The following HERC1 variants were observed in gnomAD, a reference collection of about 807,000 sequenced individuals.
HERC1 encodes probable E3 ubiquitin-protein ligase HERC1.
Under a neutral mutation model 554.3 loss-of-function variants are expected in HERC1, and 160 were observed. The ratio of observed to expected loss-of-function variants is 0.29; its 90% CI spans 0.25 to 0.33. The LOEUF (loss-of-function observed/expected upper bound fraction) is 0.33. HERC1 is among the 10% of genes least tolerant of loss of function. HERC1 has a pLI of 1.00. For synonymous variants in HERC1, 2,175 were observed against 2,131.7 expected, an observed-to-expected ratio of 1.02 and a Z score of -0.56; for missense variants, 4,919 against 5,918.5, an observed-to-expected ratio of 0.83 and a Z score of 5.54.
At chr15:63,619,424 C>T (rs2067968941) in intron 74 of HERC1, among the ~76,000 whole-genome samples, 1 of 152,116 alleles carries the variant, frequency 6.6e-6, no homozygotes, top group Admixed American at 6.5e-5. Flanking sequence ...ATTTTTGCAT[C>T]AATGTTCATC....
intron 51 of HERC1, 107 bp downstream of exon 51, chr15:63,654,012 G>C: frequency 1.2e-6 from 1 of 813,110 alleles, no homozygotes; most frequent in Middle Eastern, 2.5e-4. Flanking sequence ...ACGTGTGAAA[G>C]AGAGTGACAC....
intron 7 of HERC1, among the ~76,000 whole-genome samples, chr15:63,753,578 C>T (rs1031026528): frequency 1.3e-5 from 2 of 151,672 alleles, no homozygotes; most frequent in African/African-American, 4.8e-5. Flanking sequence ...TCCAACCACA[C>T]CAGGAATAAA....
intron 74 of HERC1, among the ~76,000 whole-genome samples, chr15:63,620,584 G>A (rs2068032247): frequency 6.6e-6 from 1 of 152,124 alleles, no homozygotes; most frequent in African/African-American, 2.4e-5. Flanking sequence ...GTCTAATGTT[G>A]ACAGTGGGGT....
At chr15:63,643,994 T>G (rs562161358) in intron 57 of HERC1, among the ~76,000 whole-genome samples, 2 of 152,320 alleles carry the variant, frequency 1.3e-5, no homozygotes, top group Admixed American at 1.3e-4. Context: ...TGTCACACAT[T>G]TGTTCTGCAA....
intron 53 of HERC1, 131 bp downstream of exon 53, chr15:63,651,122 G>T: frequency 1.3e-6 from 1 of 781,044 alleles, no homozygotes; most frequent in Non-Finnish European, 2.0e-6. Context: ...TGCATAGATT[G>T]AAATTTCAGA....
chr15:63,671,460 A>G (rs2070919157), intron 39 of HERC1, among the ~76,000 whole-genome samples: 1 of 152,180 alleles, frequency 6.6e-6, no homozygotes. Context: ...ACCTCCTGAA[A>G]CTATTATTCC....
In HERC1 at chr15:63,660,963, A is replaced by G. The variant is rs1399466812; in HGVS notation, c.9223+10T>C. On this transcript the variant is annotated intron_variant, in intron 46 of 77. Transcript: ENST00000443617. ...ACATGTAAAATAAAGAAGCTCTCAA[A>G]ACAAACTACCTTCATACACACTGTC... The G allele has an allele frequency of 6.3e-7, 1 of 1,586,876 alleles. No individual in the cohort carries two copies. Among genetic ancestry groups the G allele is most frequent in the Non-Finnish European group, 8.7e-7 (1 of 1,155,770 alleles).
At chr15:63,726,857 C>G (rs990928654) in intron 17 of HERC1, among the ~76,000 whole-genome samples, 4 of 151,888 alleles carry the variant, frequency 2.6e-5, no homozygotes, top group African/African-American at 9.7e-5. Flanking sequence ...GTAGTAAAAA[C>G]TAGGAAAGGA....
intron 26 of HERC1, among the ~76,000 whole-genome samples, chr15:63,696,694 A>C (rs1401849931): frequency 6.6e-6 from 1 of 152,158 alleles, no homozygotes; most frequent in Admixed American, 6.5e-5. Flanking sequence ...TACCTTATCT[A>C]ATCTATTCAC....
chr15:63,698,971 G>C lies in HERC1; in HGVS notation c.4662C>G (p.Ser1554=), dbSNP rs948070965. The part of the protein sequence containing the change: ...KRGPMHSQLE[S]LSDSWARLKH... ...TCAGGCGAGCCCAAGAGTCACTCAG[G>C]GATTCCAATTGACTGTGCATAGGAC... is the stretch of plus-strand genomic sequence containing the variant. Residue 1554 remains serine (S), a synonymous_variant, in exon 26 of 78, where the codon TCC becomes TCG. Coordinates refer to ENST00000443617, the MANE Select transcript of HERC1 (RefSeq NM_003922.4). 2 of 1,612,866 alleles carry C rather than the reference G, an allele frequency of 1.2e-6. No individual in the cohort carries two copies. Among genetic ancestry groups the C allele is most frequent in the African/African-American group, 2.7e-5 (2 of 74,866 alleles).
At chr15:63,831,566 C>T (rs1567174209) in intron 1 of HERC1, among the ~76,000 whole-genome samples, 1 of 152,158 alleles carries the variant, frequency 6.6e-6, no homozygotes. Context: ...ACGATGTCAT[C>T]ATTATCATCA....
chr15:63,695,618 C>T (rs1027842289), intron 27 of HERC1, among the ~76,000 whole-genome samples: 2 of 151,164 alleles, frequency 1.3e-5, no homozygotes, highest in African/African-American at 4.9e-5. Flanking sequence ...GAACTCCTGA[C>T]CTCAGGTGAT....
At position 63,718,795 on chromosome 15, in the gene HERC1, C is replaced by T. The variant is rs779827483; in HGVS notation, c.3845G>A (p.Cys1282Tyr). 7.5e-5 allele frequency: 121 copies of T among 1,613,030 alleles called. 2 individuals are homozygous for T. The South Asian group carries it at 9.4e-4, about 13-fold the overall frequency. Reference protein sequence around the residue: ...LKHTNLLSQACGESRYQPGKH... With the variant: ...LKHTNLLSQAYGESRYQPGKH... ...TTAAGTTACTTGCCGGCTTTCTCCA[C>T]ATGCTTGACTAAGTAAATTTGTGTG... The change falls in exon 20 of 78, where the codon TGT becomes TAT. Residue 1282 changes from cysteine (C) to tyrosine (Y), a missense_variant. Physicochemically the swap from Cys to Tyr is radical, Grantham distance 194. Transcript: ENST00000443617. This position sits in a 1 kb window ranked among gnomAD's most constrained non-coding sequence, Gnocchi z 4.2.
chr15:63,784,399 T>G (rs1049250183), intron 1 of HERC1, among the ~76,000 whole-genome samples: 5 of 152,216 alleles, frequency 3.3e-5, no homozygotes, highest in Non-Finnish European at 7.3e-5. Context: ...AAAGTATTTG[T>G]GTATACTGTA....
intron 38 of HERC1, 89 bp from the exon 39 acceptor site, chr15:63,672,783 TTAAAA>T (rs1487828974): frequency 3.6e-5 from 30 of 838,758 alleles, no homozygotes; most frequent in Non-Finnish European, 1.8e-6. Flanking sequence ...CCTGTTTAAT[TTAAAA>T]GTTTCTAAAT....
chr15:63,689,838 G>A (rs1170328047), intron 32 of HERC1, 139 bp from the exon 33 acceptor site: 12 of 533,472 alleles, frequency 2.2e-5, no homozygotes, highest in South Asian at 1.7e-4. Flanking sequence ...ACTTTTAGTG[G>A]TTATAAGTTA....
Position 63,615,684 on chromosome 15 carries a change from A to G in HERC1, c.14094+84T>C, listed in dbSNP as rs1029438982. 3 of 992,506 alleles carry G rather than the reference A, an allele frequency of 3.0e-6. No homozygotes were observed. In the African/African-American group the frequency reaches 5.0e-5, roughly 17 times the overall value. 61.5% of individuals were successfully genotyped at this position (992,506 alleles called of 1,614,324 possible). A position where few individuals can be genotyped will look rare whatever the true frequency, so the allele number is the denominator to read the frequency against. ...GGAATTAACACAGTAAATACATATT[A>G]GCAGATTTTGGCATACCCAGTCAGC... On this transcript the variant is annotated intron_variant, in intron 76 of 77. Coordinates refer to ENST00000443617, the MANE Select transcript of HERC1 (RefSeq NM_003922.4).
In HERC1 at chr15:63,747,099, C is replaced by T. The variant is rs371907058; in HGVS notation, c.2355-16G>A. 1.4e-4 allele frequency: 226 copies of T among 1,584,956 alleles called. No individual in the cohort carries two copies. The highest frequency in any genetic ancestry group is 2.7e-4 in the East Asian group (12 of 43,674). On this transcript the variant is annotated splice_polypyrimidine_tract_variant and intron_variant, in intron 11 of 77. Transcript: ENST00000443617. ...GTGGTGTTCTCTGAAACCAAATAAA[C>T]GTCTATGAATTCTCGGATCATAAAA...
At chr15:63,665,678 C>G (rs74452506) in intron 42 of HERC1, among the ~76,000 whole-genome samples, 1 of 152,074 alleles carries the variant, frequency 6.6e-6, no homozygotes, top group Non-Finnish European at 1.5e-5. Flanking sequence ...TTTTTCAGTA[C>G]AATTTTACAC....
Sources: gnomAD v4.1 joint callset for allele counts (sites outside exome capture counted in the v4.1 genomes callset) on GRCh38, gnomAD v4.1.1 for gene constraint, Gnocchi (gnomAD v3.1) non-coding constraint, MANE v1.5 for transcripts, NCBI Gene and HGNC (gene_info 2026-07-23, HGNC 2026-07-21) for gene names.